ATP6V0A2: variants seen among roughly 807,000 people sequenced by gnomAD.
ATP6V0A2 encodes ATPase H+ transporting V0 subunit a2.
In ATP6V0A2, 58 loss-of-function variants were observed where a neutral mutation model predicts 104.4. That is an observed-to-expected ratio of 0.56 (90% CI 0.45 to 0.69). The LOEUF (loss-of-function observed/expected upper bound fraction) is 0.69, where lower values mean the gene tolerates loss of function less well. Ranked by LOEUF, ATP6V0A2 falls within the 30% of genes least tolerant of loss-of-function variation. The pLI, the probability that ATP6V0A2 is intolerant of heterozygous loss-of-function variation, is 0.00. For missense variants in ATP6V0A2, 938 were observed against 1,062.9 expected, an observed-to-expected ratio of 0.88 and a Z score of 1.63; for synonymous variants, 376 against 397.9, an observed-to-expected ratio of 0.95 and a Z score of 0.65.
chr12:123,758,047 C>T lies in ATP6V0A2; in HGVS notation c.*15C>T. On this transcript the variant is annotated 3_prime_UTR_variant, in exon 20 of 20. Transcript: ENST00000330342. ...GTGTGGCATGATCATATTGCTGTAA[C>T]CAACAAGCTTTCAGATTTATGGAGA... The T allele has an allele frequency of 6.6e-7, 1 of 1,525,284 alleles. No homozygotes were observed. Among genetic ancestry groups the T allele is most frequent in the Non-Finnish European group, 9.1e-7 (1 of 1,099,458 alleles). 94.5% of individuals were successfully genotyped at this position (1,525,284 alleles called of 1,614,324 possible). A position where few individuals can be genotyped will look rare whatever the true frequency, so the allele number is the denominator to read the frequency against.
chr12:123,747,802 C>T (rs1956676693), intron 14 of ATP6V0A2, 77 bp downstream of exon 14: 1 of 941,176 alleles, frequency 1.1e-6, no homozygotes, highest in African/African-American at 1.6e-5. Context: ...TTGTTGGTGA[C>T]TGTATTTATT....
intron 9 of ATP6V0A2, among the ~76,000 whole-genome samples, chr12:123,739,695 CT>C (rs1956589867): frequency 6.6e-6 from 1 of 152,188 alleles, no homozygotes; most frequent in Non-Finnish European, 1.5e-5. Context: ...GAATCATATT[CT>C]CTGAATTCTC....
chr12:123,715,790 A>G (rs73420303), intron 1 of ATP6V0A2, among the ~76,000 whole-genome samples: 5,068 of 152,324 alleles, frequency 0.033, 221 homozygotes, highest in African/African-American at 0.096. Flanking sequence ...ATGTCCATAT[A>G]TATGTATTTT....
chr12:123,752,044 A>C (rs747246699), intron 16 of ATP6V0A2, among the ~76,000 whole-genome samples: 1 of 151,722 alleles, frequency 6.6e-6, no homozygotes, highest in Non-Finnish European at 1.5e-5. Flanking sequence ...TTTTTTGTAA[A>C]AGACGGGGTT....
Position 123,761,127 on chromosome 12 carries a change from A to C in ATP6V0A2, c.*3095A>C, listed in dbSNP as rs1474990902. On this transcript the variant is annotated 3_prime_UTR_variant, in exon 20 of 20. Transcript: ENST00000330342. The stretch of plus-strand genomic sequence containing the variant: ...TCACCATGTTGGCCAGGCTGGTCTC[A>C]AACTCCTGACCTCAGGTGATCTACC... 1.3e-5 allele frequency: 2 copies of C among 151,998 alleles called. No individual in the cohort carries two copies. The highest frequency in any genetic ancestry group is 2.9e-5 in the Non-Finnish European group (2 of 68,002). The allele number at this position is 151,998 out of a possible 1,614,324, so 9.4% of individuals were successfully genotyped here.
intron 9 of ATP6V0A2, 25 bp downstream of exon 9, chr12:123,737,296 C>T (rs772414762): frequency 6.2e-7 from 1 of 1,604,920 alleles, no homozygotes; most frequent in East Asian, 2.2e-5. Context: ...CTCTCCTCTG[C>T]CAGGAACAGA....
chr12:123,718,019 G>T (rs1956361110), intron 1 of ATP6V0A2, among the ~76,000 whole-genome samples: 1 of 151,844 alleles, frequency 6.6e-6, no homozygotes, highest in African/African-American at 2.4e-5. Context: ...CTGCCTCTCG[G>T]GCTCAAGCAA....
chr12:123,725,916 T>C (rs1956444505), intron 4 of ATP6V0A2, among the ~76,000 whole-genome samples: 1 of 152,216 alleles, frequency 6.6e-6, no homozygotes, highest in Admixed American at 6.5e-5. Flanking sequence ...CTTGATATGA[T>C]AGTGACCTTT....
In ATP6V0A2 at chr12:123,744,872, TTTG is replaced by T. The variant is rs1199043065; in HGVS notation, c.1515-7_1515-5del. 8 of 1,614,034 alleles carry T rather than the reference TTTG, an allele frequency of 5.0e-6. No individual in the cohort carries two copies. The African/African-American group carries it at 1.1e-4, about 22-fold the overall frequency. ...CCAGGTCAGCCTCCTCACTCTGCTT[TTTG>T]TTACAGTGACAGCGTCGTTAGACAC... On this transcript the variant is annotated splice_region_variant and splice_polypyrimidine_tract_variant and intron_variant, in intron 12 of 19. Coordinates refer to ENST00000330342, the MANE Select transcript of ATP6V0A2 (RefSeq NM_012463.4). This position sits in a 1 kb window ranked among gnomAD's most constrained non-coding sequence, Gnocchi z 5.4.
rs1279080917 is a variant in ATP6V0A2 at position 123,744,325 on chromosome 12, T to C, written c.1314T>C (p.Asn438=). The change falls in exon 11 of 20, where the codon AAT becomes AAC. Residue 438 remains asparagine, a synonymous_variant. Transcript: ENST00000330342. This position sits in a 1 kb window ranked among gnomAD's most constrained non-coding sequence, Gnocchi z 5.4. The part of the protein sequence containing the change: ...LVLNENHPRL[N]QSQEIMRMFF... ...TAAATGAAAATCATCCCAGACTAAA[T>C]CAGTCACAAGAGGTAAAAATATAAA... 3 of 1,614,206 alleles carry C rather than the reference T, an allele frequency of 1.9e-6. No individual in the cohort carries two copies. Among genetic ancestry groups the C allele is most frequent in the Non-Finnish European group, 2.5e-6 (3 of 1,180,028 alleles).
chr12:123,729,127 T>C (rs1353616821), intron 6 of ATP6V0A2, among the ~76,000 whole-genome samples: 1 of 152,222 alleles, frequency 6.6e-6, no homozygotes, highest in Non-Finnish European at 1.5e-5. Context: ...GATGGGTTCC[T>C]GTTCCTTTAA....
In ATP6V0A2 at chr12:123,712,610, C is replaced by G. The variant is rs746046288; in HGVS notation, c.45C>G (p.Leu15=). ...FRSETMCLAQ[L]FLQSGTAYEC... ...GCGAGACCATGTGCCTGGCGCAGCT[C>G]TTCCTGCAGTCGGGCACGGCCTACG... The change falls in exon 1 of 20, where the codon CTC becomes CTG. Residue 15 remains leucine (L), a synonymous_variant. Coordinates refer to ENST00000330342, the MANE Select transcript of ATP6V0A2 (RefSeq NM_012463.4). The G allele has an allele frequency of 2.5e-6, 4 of 1,605,282 alleles. No individual in the cohort carries two copies. The highest frequency in any genetic ancestry group is 1.7e-6 in the Non-Finnish European group (2 of 1,176,958).
In ATP6V0A2 at chr12:123,712,678, G is replaced by A; in HGVS notation, c.113G>A (p.Arg38Gln). The change falls in exon 1 of 20, where the codon CGA becomes CAA. Residue 38 changes from arginine (R) to glutamine (Q), a missense_variant. Physicochemically the swap from Arg to Gln is conservative, Grantham distance 43. Transcript: ENST00000330342. The part of the protein sequence containing the change: ...ALGEKGLVQF[R>Q]DLNQNVSSFQ... Reference sequence around the variant, plus strand: ...GGCGAGAAAGGCCTGGTCCAGTTCCGAGACGTGAGTGTCGCCCGGGAGACG... The same window carrying A: ...GGCGAGAAAGGCCTGGTCCAGTTCCAAGACGTGAGTGTCGCCCGGGAGACG... The A allele has an allele frequency of 6.2e-7, 1 of 1,609,602 alleles. No individual in the cohort carries two copies. Among genetic ancestry groups the A allele is most frequent in the Non-Finnish European group, 8.5e-7 (1 of 1,178,566 alleles).
chr12:123,754,649 G>T, intron 18 of ATP6V0A2, 112 bp downstream of exon 18: 1 of 776,616 alleles, frequency 1.3e-6, no homozygotes, highest in Admixed American at 1.9e-5. Context: ...CCATCTTTCA[G>T]CTGCCACGTG....
intron 15 of ATP6V0A2, 29 bp from the exon 16 acceptor site, chr12:123,751,081 A>T: frequency 1.2e-6 from 2 of 1,613,966 alleles, no homozygotes; most frequent in Admixed American, 1.7e-5. Context: ...TCACGTTTTA[A>T]TCGGGTTTCT....
intron 5 of ATP6V0A2, 43 bp downstream of exon 5, chr12:123,726,328 C>A: frequency 7.1e-7 from 1 of 1,412,322 alleles, no homozygotes; most frequent in Non-Finnish European, 1.0e-6. Flanking sequence ...TACTGCCCTT[C>A]TTGTAAAAGG....
chr12:123,718,488 G>T lies in ATP6V0A2; in HGVS notation c.118-135G>T, dbSNP rs547368001. On this transcript the variant is annotated intron_variant, in intron 1 of 19. Coordinates refer to ENST00000330342, the MANE Select transcript of ATP6V0A2 (RefSeq NM_012463.4). ...AGTTGACAAATTGCTCTCAAGAAAA[G>T]TTGTGTCAGTTTATAGTTTCATTCA... 621 of 639,656 alleles carry T rather than the reference G, an allele frequency of 9.7e-4. 8 individuals carry two copies. The South Asian group carries it at 0.012, about 12-fold the overall frequency. The allele number at this position is 639,656 out of a possible 1,614,324, so 39.6% of individuals were successfully genotyped here.
intron 6 of ATP6V0A2, among the ~76,000 whole-genome samples, chr12:123,729,117 G>C (rs1956476135): frequency 6.6e-6 from 1 of 151,938 alleles, no homozygotes; most frequent in Non-Finnish European, 1.5e-5. Context: ...TATTTTATTT[G>C]ATGGGTTCCT....
chr12:123,731,796 A>AGCCACATCCTCCCT (rs1416561129), intron 6 of ATP6V0A2: 1 of 152,124 alleles, frequency 6.6e-6, no homozygotes, highest in Non-Finnish European at 1.5e-5. Context: ...TCATTCTCCC[A>AGCCACATCCTCCCT]GCCACATCCT....
Sources: allele counts gnomAD v4.1 joint callset (sites outside exome capture counted in the v4.1 genomes callset), GRCh38; gene constraint gnomAD v4.1.1; non-coding constraint Gnocchi (gnomAD v3.1); transcripts MANE v1.5; gene names NCBI Gene and HGNC (gene_info 2026-07-23, HGNC 2026-07-21).